CPNE4: variants seen among roughly 807,000 people sequenced by gnomAD.
CPNE4 encodes the protein copine-4.
CPNE4 carries 25 observed loss-of-function variants against 67.9 expected under a neutral mutation model. That is an observed-to-expected ratio of 0.37 (90% CI 0.27 to 0.51). CPNE4 has a LOEUF of 0.51. CPNE4 is among the 20% of genes least tolerant of loss of function. The pLI, the probability that CPNE4 is intolerant of heterozygous loss-of-function variation, is 0.93. For synonymous variants in CPNE4, 242 were observed against 244.9 expected (o/e 0.99, Z 0.11); for missense variants, 464 against 690.8 (o/e 0.67, Z 3.68).
At chr3:131,720,706 A>G (rs775450662) in intron 3 of CPNE4, among the ~76,000 whole-genome samples, 2 of 152,152 alleles carry the variant, frequency 1.3e-5, no homozygotes, top group Non-Finnish European at 2.9e-5. Context: ...GAATTTCCCC[A>G]GCAGAGTTAA....
At chr3:131,919,495 C>T (rs2070681802) in intron 1 of CPNE4, among the ~76,000 whole-genome samples, 1 of 151,980 alleles carries the variant, frequency 6.6e-6, no homozygotes, top group Admixed American at 6.6e-5. Flanking sequence ...AAGTTGAAAA[C>T]CAGGCCAAAT....
chr3:131,549,925 A>C, intron 14 of CPNE4, 22 bp downstream of exon 14: 1 of 1,612,198 alleles, frequency 6.2e-7, no homozygotes, highest in Non-Finnish European at 8.5e-7. Context: ...TCCCCTTAGG[A>C]GGCAAATAGC....
intron 2 of CPNE4, among the ~76,000 whole-genome samples, chr3:131,833,103 A>G (rs1260205052): frequency 3.3e-5 from 5 of 152,136 alleles, no homozygotes; most frequent in Non-Finnish European, 7.3e-5. Context: ...GCTGTCTATG[A>G]ATCAGGAAGT....
At chr3:131,772,076 G>A (rs114926679) in intron 2 of CPNE4, among the ~76,000 whole-genome samples, 4 of 152,206 alleles carry the variant, frequency 2.6e-5, no homozygotes, top group East Asian at 3.9e-4. Flanking sequence ...AGTGAAGTTC[G>A]TGGAGGGAGA....
chr3:131,882,461 T>A (rs1395306058), intron 2 of CPNE4, among the ~76,000 whole-genome samples: 1 of 152,200 alleles, frequency 6.6e-6, no homozygotes, highest in Non-Finnish European at 1.5e-5. Context: ...GCATTTCTTG[T>A]AGTAACACAT....
intron 1 of CPNE4, among the ~76,000 whole-genome samples, chr3:131,949,906 T>G (rs1194614179): frequency 6.6e-6 from 1 of 152,192 alleles, no homozygotes; most frequent in Non-Finnish European, 1.5e-5. Context: ...TATAACACAA[T>G]GTATTCATCC....
intron 1 of CPNE4, among the ~76,000 whole-genome samples, chr3:131,998,168 G>A (rs1156553672): frequency 1.3e-5 from 2 of 152,128 alleles, no homozygotes; most frequent in Non-Finnish European, 2.9e-5. Flanking sequence ...GAATTTTAAA[G>A]GCATAGAAAT....
chr3:131,991,659 C>T (rs1318534019), intron 1 of CPNE4, among the ~76,000 whole-genome samples: 1 of 135,558 alleles, frequency 7.4e-6, no homozygotes, highest in African/African-American at 2.5e-5. Flanking sequence ...AAATTCAAGC[C>T]CACTGGAGAA....
Position 131,606,618 on chromosome 3 carries a change from A to G in CPNE4, c.682-19036T>C, listed in dbSNP as rs115518743. On this transcript the variant is annotated intron_variant, in intron 7 of 15. Coordinates refer to ENST00000429747, the MANE Select transcript of CPNE4 (RefSeq NM_130808.3). ...ATTACTTGGGCTGAATGTCTAGTTT[A>G]TCCTTGGGCACAAAATCATCAGGAC... Among the ~76,000 whole-genome samples, 1,158 of 152,224 alleles carry G rather than the reference A, an allele frequency of 7.6e-3. 16 individuals are homozygous for G. Among genetic ancestry groups the G allele is most frequent in the African/African-American group, 0.027 (1,110 of 41,526 alleles).
intron 2 of CPNE4, among the ~76,000 whole-genome samples, chr3:131,787,496 C>T (rs752821453): frequency 2.0e-5 from 3 of 152,098 alleles, no homozygotes; most frequent in African/African-American, 2.4e-5. Flanking sequence ...CTGGATGCCC[C>T]GCAAAGGGCA....
chr3:131,802,027 G>T (rs796123043), intron 2 of CPNE4, among the ~76,000 whole-genome samples: 5 of 152,144 alleles, frequency 3.3e-5, no homozygotes, highest in African/African-American at 1.2e-4. Flanking sequence ...TTCAGGGTCG[G>T]TTTCATAAAT....
intron 2 of CPNE4, among the ~76,000 whole-genome samples, chr3:131,853,994 T>C (rs2086339635): frequency 6.6e-6 from 1 of 151,924 alleles, no homozygotes; most frequent in Non-Finnish European, 1.5e-5. Context: ...TAAAGTTAAA[T>C]ATGCATTTAC....
intron 4 of CPNE4, among the ~76,000 whole-genome samples, chr3:131,698,005 G>A (rs992600182): frequency 6.6e-6 from 1 of 151,972 alleles, no homozygotes; most frequent in Non-Finnish European, 1.5e-5. Flanking sequence ...GGTGAGGCGG[G>A]CGGATCACGA....
intron 2 of CPNE4, among the ~76,000 whole-genome samples, chr3:131,734,312 G>C (rs920293141): frequency 1.3e-5 from 2 of 152,162 alleles, no homozygotes; most frequent in Non-Finnish European, 2.9e-5. Flanking sequence ...GTATGTTCTT[G>C]ATAGCGGTAA....
intron 2 of CPNE4, among the ~76,000 whole-genome samples, chr3:131,852,628 T>C (rs1485910334): frequency 4.0e-5 from 6 of 151,606 alleles, no homozygotes; most frequent in Non-Finnish European, 5.9e-5. Context: ...CTACTATCAC[T>C]CCATCTTTTC....
intron 7 of CPNE4, among the ~76,000 whole-genome samples, chr3:131,625,431 C>A (rs75283191): frequency 0.053 from 8,140 of 152,230 alleles, 714 homozygotes; most frequent in African/African-American, 0.18. Context: ...AGGAATTTAA[C>A]AGGAGACTTC....
At chr3:131,671,280 A>G (rs9813378) in intron 6 of CPNE4, among the ~76,000 whole-genome samples, 50,143 of 151,928 alleles carry the variant, frequency 0.33, 8,648 homozygotes, top group African/African-American at 0.4. Flanking sequence ...GATGATTAAA[A>G]TGATAGCAAG....
intron 4 of CPNE4, among the ~76,000 whole-genome samples, chr3:131,698,831 A>T (rs1243557451): frequency 6.8e-6 from 1 of 147,204 alleles, no homozygotes; most frequent in Non-Finnish European, 1.5e-5. Context: ...AATCATTTGA[A>T]CCCAGGAGGT....
chr3:131,967,294 T>C (rs947538737), intron 1 of CPNE4, among the ~76,000 whole-genome samples: 1 of 152,172 alleles, frequency 6.6e-6, no homozygotes, highest in Non-Finnish European at 1.5e-5. Flanking sequence ...ACTGGAAGCA[T>C]TCCCTTGAAA....
Sources: gnomAD v4.1 joint callset for allele counts (sites outside exome capture counted in the v4.1 genomes callset) on GRCh38, gnomAD v4.1.1 for gene constraint, MANE v1.5 for transcripts, NCBI Gene and HGNC (gene_info 2026-07-23, HGNC 2026-07-21) for gene names.